Variants in BCR observed in about 807,000 individuals in gnomAD.
BCR encodes BCR activator of RhoGEF and GTPase, also known as breakpoint cluster region protein.
BCR carries 58 observed loss-of-function variants against 138.6 expected under a neutral mutation model. The observed-to-expected ratio is 0.42, with a 90% CI of 0.34 to 0.52. The LOEUF is 0.52. Ranked by LOEUF, BCR falls within the 20% of genes least tolerant of loss-of-function variation. BCR has a pLI of 0.06. For synonymous variants in BCR, 786 were observed against 730.1 expected (o/e 1.08, Z -1.23); for missense variants, 1,599 against 1,727.2 (o/e 0.93, Z 1.32).
chr22:23,283,980 C>T lies in BCR; in HGVS notation c.2119C>T (p.Arg707Trp), dbSNP rs1213410287. ...CCAGCCTTCCCTGTGCCTGCAGCAC[C>T]GGCAGCTGCTGAAGGACAGCTTCAT... ...QSMTVKKGEH[R>W]QLLKDSFMVE... Residue 707 changes from arginine to tryptophan, a missense_variant, in exon 9 of 23, where the codon CGG (arginine) becomes TGG (tryptophan). Arg to Trp is a moderately radical substitution (Grantham distance 101). Transcript: ENST00000305877. The T allele has an allele frequency of 3.8e-6, 6 of 1,594,562 alleles. No homozygotes were observed. Among genetic ancestry groups the T allele is most frequent in the South Asian group, 2.3e-5 (2 of 88,088 alleles).
At chr22:23,297,204 G>GTTTTTTTTTTT (rs1568979500) in intron 16 of BCR, among the ~76,000 whole-genome samples, 4 of 124,158 alleles carry the variant, frequency 3.2e-5, no homozygotes, top group African/African-American at 1.1e-4. Flanking sequence ...GCCTGGCTAA[G>GTTTTTTTTTTT]TTGTTTTTTG....
At chr22:23,314,809 A>C in intron 22 of BCR, 95 bp downstream of exon 22, 1 of 1,470,786 alleles carries the variant, frequency 6.8e-7, no homozygotes, top group Non-Finnish European at 9.4e-7. Flanking sequence ...TCTTACTTGC[A>C]TTGTATGTGG....
At chr22:23,235,383 T>G (rs1444212173) in intron 1 of BCR, among the ~76,000 whole-genome samples, 1 of 144,800 alleles carries the variant, frequency 6.9e-6, no homozygotes, top group African/African-American at 2.4e-5. Flanking sequence ...CCCGGCCTTC[T>G]CCAAGTTCCG....
intron 1 of BCR, among the ~76,000 whole-genome samples, chr22:23,216,487 A>G (rs984401089): frequency 3.3e-5 from 5 of 152,246 alleles, no homozygotes; most frequent in Admixed American, 3.3e-4. Flanking sequence ...CGATTCTGTC[A>G]TCATCCGATG....
At chr22:23,226,532 T>A (rs1461639074) in intron 1 of BCR, among the ~76,000 whole-genome samples, 1 of 152,192 alleles carries the variant, frequency 6.6e-6, no homozygotes, top group African/African-American at 2.4e-5. Context: ...GCAGGAAATG[T>A]ATGAGGAAAG....
intron 6 of BCR, among the ~76,000 whole-genome samples, chr22:23,272,448 G>A (rs2073520024): frequency 6.6e-6 from 1 of 152,170 alleles, no homozygotes; most frequent in Non-Finnish European, 1.5e-5. Context: ...GAGCGTCTGT[G>A]CCTGGGACGG....
chr22:23,305,221 T>C (rs893598809), intron 16 of BCR, among the ~76,000 whole-genome samples: 1 of 148,588 alleles, frequency 6.7e-6, no homozygotes, highest in African/African-American at 2.5e-5. Context: ...AGAGGTTCTC[T>C]GGTGGTCTCA....
At chr22:23,267,628 T>A (rs947297074) in intron 4 of BCR, among the ~76,000 whole-genome samples, 4 of 152,252 alleles carry the variant, frequency 2.6e-5, no homozygotes. Context: ...CTCCTGGGTC[T>A]GCCCTTATAC....
chr22:23,228,825 G>A (rs944567553), intron 1 of BCR, among the ~76,000 whole-genome samples: 1 of 151,978 alleles, frequency 6.6e-6, no homozygotes, highest in African/African-American at 2.4e-5. Flanking sequence ...ATTATGATAT[G>A]TCTGGCTGTA....
intron 20 of BCR, 136 bp downstream of exon 20, chr22:23,313,157 A>T (rs2074027196): frequency 3.5e-6 from 4 of 1,134,798 alleles, no homozygotes; most frequent in Admixed American, 2.3e-5. Flanking sequence ...ACCCAACCTC[A>T]AAAAGCAGGG....
chr22:23,275,716 TCTC>T (rs2073567726), intron 8 of BCR, among the ~76,000 whole-genome samples: 1 of 152,126 alleles, frequency 6.6e-6, no homozygotes, highest in African/African-American at 2.4e-5. Context: ...TGGATTTGCT[TCTC>T]CTAAGCCTCC....
intron 1 of BCR, among the ~76,000 whole-genome samples, chr22:23,205,189 G>C (rs1822742019): frequency 6.6e-6 from 1 of 152,224 alleles, no homozygotes; most frequent in African/African-American, 2.4e-5. Flanking sequence ...AGTAGGGGCT[G>C]TCTTGGTACT....
chr22:23,196,410 A>G (rs1342987245), intron 1 of BCR, among the ~76,000 whole-genome samples: 1 of 152,008 alleles, frequency 6.6e-6, no homozygotes, highest in African/African-American at 2.4e-5. Context: ...GGGAAGGGAA[A>G]CCTTACATCT....
At chr22:23,263,359 A>C in intron 4 of BCR, 3 of 1,214,932 alleles carry the variant, frequency 2.5e-6, no homozygotes, top group African/African-American at 1.5e-5. Context: ...GCCTCGCTCA[A>C]CTCCGGCTTC....
chr22:23,226,059 T>C (rs2146237940), intron 1 of BCR, among the ~76,000 whole-genome samples: 1 of 152,334 alleles, frequency 6.6e-6, no homozygotes, highest in South Asian at 2.1e-4. Context: ...GGAGCCTGGG[T>C]CCCCTGGCAG....
At chr22:23,264,114 T>G in intron 4 of BCR, 1 of 1,519,008 alleles carries the variant, frequency 6.6e-7, no homozygotes, top group Non-Finnish European at 9.1e-7. Context: ...TGTCATGGAG[T>G]GGGAGGAGCC....
chr22:23,206,207 A>G (rs897750346), intron 1 of BCR, among the ~76,000 whole-genome samples: 5 of 152,200 alleles, frequency 3.3e-5, no homozygotes, highest in African/African-American at 1.2e-4. Context: ...GTTGAAGCCA[A>G]ATGATGGGGT....
At position 23,206,760 on chromosome 22, in the gene BCR, C is replaced by T. The variant is rs971498649; in HGVS notation, c.1279+24521C>T. On this transcript the variant is annotated intron_variant, in intron 1 of 22. Transcript: ENST00000305877. Reference sequence around the variant, plus strand: ...GAGAAAGGGGTAGCTGTGCTTGAGCCATTCCATCATTCATCCAAGCCATCC... The same window carrying T: ...GAGAAAGGGGTAGCTGTGCTTGAGCTATTCCATCATTCATCCAAGCCATCC... Among the ~76,000 whole-genome samples, 7 of 152,278 alleles carry T rather than the reference C, an allele frequency of 4.6e-5. 1 individual carries two copies. Among genetic ancestry groups the T allele is most frequent in the Middle Eastern group, 3.4e-3 (1 of 294 alleles).
At chr22:23,241,223 G>A in intron 1 of BCR, among the ~76,000 whole-genome samples, 1 of 152,226 alleles carries the variant, frequency 6.6e-6, no homozygotes, top group Non-Finnish European at 1.5e-5. Flanking sequence ...GGGGAAGAAG[G>A]TGGTTTGCCT....
Sources: gnomAD v4.1 joint callset for allele counts (sites outside exome capture counted in the v4.1 genomes callset) on GRCh38, gnomAD v4.1.1 for gene constraint, MANE v1.5 for transcripts, NCBI Gene and HGNC (gene_info 2026-07-23, HGNC 2026-07-21) for gene names.